Variants in TPR observed in about 807,000 individuals in gnomAD.
TPR encodes translocated promoter region, nuclear basket protein, also known as nucleoprotein TPR.
In TPR, 51 loss-of-function variants were observed where a neutral mutation model predicts 316.1. The observed-to-expected ratio is 0.16, with a 90% confidence interval of 0.13 to 0.20. The LOEUF is 0.20. Ranked by LOEUF, TPR falls within the 10% of genes least tolerant of loss-of-function variation. TPR has a pLI of 1.00. For missense variants in TPR, 2,272 were observed against 2,754.8 expected (o/e 0.82, Z 3.92); for synonymous variants, 981 against 914.7 (o/e 1.07, Z -1.31).
Position 186,335,317 on chromosome 1 carries a change from T to G in TPR, c.4911+21A>C, listed in dbSNP as rs933243549. 1.9e-6 allele frequency: 3 copies of G among 1,609,378 alleles called. No individual in the cohort carries two copies. The African/African-American group carries it at 4.0e-5, about 22-fold the overall frequency. On this transcript the variant is annotated intron_variant, in intron 34 of 50. Coordinates refer to ENST00000367478, the MANE Select transcript of TPR (RefSeq NM_003292.3). Reference sequence around the variant, plus strand: ...GTACAAAGAAAAACAATTTGTTACTTAAGCAGAATTAGCTAATCACCTTAT... The same window carrying G: ...GTACAAAGAAAAACAATTTGTTACTGAAGCAGAATTAGCTAATCACCTTAT...
At chr1:186,373,526 TGTTA>T (rs899766729) in intron 1 of TPR, 63 bp from the exon 2 acceptor site, 3 of 935,320 alleles carry the variant, frequency 3.2e-6, no homozygotes, top group Middle Eastern at 2.6e-4. Flanking sequence ...TTGTGAATAC[TGTTA>T]TTTATTTCTA....
chr1:186,347,359 G>C lies in TPR; in HGVS notation c.2876C>G (p.Thr959Arg). Reference protein sequence around the residue: ...NDLKERLKTSTSNVEQYQAMV... With the variant: ...NDLKERLKTSRSNVEQYQAMV... The stretch of plus-strand genomic sequence containing the variant: ...TGCTTGATATTGTTCCACATTGCTC[G>C]TACTTGTTTTGAGTCTCTCCTTTAA... Residue 959 changes from threonine to arginine, a missense_variant, in exon 22 of 51, where the codon ACG (threonine) becomes AGG (arginine). Physicochemically the swap from Thr to Arg is moderately conservative, Grantham distance 71. Around this residue, in one of 10 missense-constraint regions of TPR, gnomAD observed 757 missense variants for 859.8 expected, o/e 0.88. Coordinates refer to ENST00000367478, the MANE Select transcript of TPR (RefSeq NM_003292.3). 6.2e-7 allele frequency: 1 copy of C among 1,613,876 alleles called. No individual in the cohort carries two copies. The highest frequency in any genetic ancestry group is 8.5e-7 in the Non-Finnish European group (1 of 1,179,916).
In TPR at chr1:186,339,654, G is replaced by C; in HGVS notation, c.4139C>G (p.Ala1380Gly). The C allele has an allele frequency of 1.9e-6, 3 of 1,581,784 alleles. No homozygotes were observed. Among genetic ancestry groups the C allele is most frequent in the Non-Finnish European group, 2.6e-6 (3 of 1,166,054 alleles). ...TCTTTCCATATACCTTGCAATTTCA[G>C]CTTTAAGTCTACCAATTTCTTCTGT... is the stretch of plus-strand genomic sequence containing the variant. Reference protein sequence around the residue: ...QLTEEIGRLKAEIARSNASLT... With the variant: ...QLTEEIGRLKGEIARSNASLT... The change falls in exon 30 of 51, where the codon GCT (alanine) becomes GGT (glycine). Residue 1380 changes from alanine (A) to glycine (G), a missense_variant. This residue lies in a region of TPR where 96 missense variants were observed against 134.6 expected (regional missense o/e 0.71). Transcript: ENST00000367478.
intron 35 of TPR, 52 bp downstream of exon 35, chr1:186,335,016 T>C (rs1658297180): frequency 6.5e-7 from 1 of 1,550,064 alleles, no homozygotes; most frequent in Non-Finnish European, 8.8e-7. Flanking sequence ...TCACTAGATA[T>C]TCCCTGAGCT....
chr1:186,373,277 C>A, intron 2 of TPR, 82 bp downstream of exon 2: 2 of 865,292 alleles, frequency 2.3e-6, no homozygotes, highest in Non-Finnish European at 3.5e-6. Context: ...GTTTAGTAAG[C>A]AAATGTTTCC....
In TPR at chr1:186,343,375, T is replaced by C; in HGVS notation, c.3701A>G (p.Glu1234Gly). 1 of 1,614,074 alleles carries C rather than the reference T, an allele frequency of 6.2e-7. No homozygotes were observed. Among genetic ancestry groups the C allele is most frequent in the Non-Finnish European group, 8.5e-7 (1 of 1,179,972 alleles). Residue 1234 changes from glutamate to glycine, a missense_variant, in exon 27 of 51, where the codon GAG becomes GGG. Transcript: ENST00000367478. ...TAGACTATCTTGCAGTTCCTGCAGC[T>C]CTCTTTCTAAAAGTTCAACCCTTTG... ...YRQRVELLER[E>G]LQELQDSLNA...
At chr1:186,351,606 G>A (rs967628843) in intron 19 of TPR, 136 bp from the exon 20 acceptor site, 1 of 900,764 alleles carries the variant, frequency 1.1e-6, no homozygotes, top group Admixed American at 3.8e-5. Flanking sequence ...TATTTATCAA[G>A]AAAGTATTCT....
rs960639566 is a variant in TPR, at chr1:186,375,212, G to A, written c.-184C>T. On this transcript the variant is annotated 5_prime_UTR_variant, in exon 1 of 51. Transcript: ENST00000367478. ...CTGGGAAATCGAGTCCACCCTCAGC[G>A]GCAGCGTTTCAGCAACAGCACCTCA... 7.4e-6 allele frequency: 11 copies of A among 1,494,940 alleles called. No homozygotes were observed. The South Asian group carries it at 7.7e-5, about 10-fold the overall frequency. 92.6% of individuals were successfully genotyped at this position (1,494,940 alleles called of 1,614,324 possible).
intron 18 of TPR, among the ~76,000 whole-genome samples, chr1:186,352,666 C>T (rs1558022951): frequency 2.0e-5 from 3 of 152,150 alleles, no homozygotes; most frequent in Non-Finnish European, 4.4e-5. Flanking sequence ...ATAAAATTCA[C>T]TCTACCAGTT....
At position 186,311,718 on chromosome 1, in the gene TPR, G is replaced by GA. The variant is rs1363774624; in HGVS notation, c.*2252dup. The GA allele has an allele frequency of 1.8e-6, 2 of 1,103,912 alleles. No homozygotes were observed. The highest frequency in any genetic ancestry group is 1.6e-5 in the African/African-American group (1 of 63,068). The allele number at this position is 1,103,912 out of a possible 1,614,324, so 68.4% of individuals were successfully genotyped here. ...ATGGCTGAAATCAAATATTTTCAGT[G>GA]AAAAAAATCAATATTGAGGGTAGTA... is the stretch of plus-strand genomic sequence containing the variant. On this transcript the variant is annotated 3_prime_UTR_variant, in exon 51 of 51. Transcript: ENST00000367478.
At chr1:186,371,197 A>C (rs1023008897) in intron 2 of TPR, among the ~76,000 whole-genome samples, 154 bp from the exon 3 acceptor site, 3 of 152,216 alleles carry the variant, frequency 2.0e-5, no homozygotes, top group Admixed American at 6.5e-5. Flanking sequence ...TCATGAATGC[A>C]TTCAAAATTT....
chr1:186,337,305 ATCTCC>A, intron 31 of TPR, 149 bp from the exon 32 acceptor site: 1 of 939,636 alleles, frequency 1.1e-6, no homozygotes, highest in Non-Finnish European at 1.5e-6. Flanking sequence ...AACAACTGTA[ATCTCC>A]AAAAATGGGG....
Position 186,313,922 on chromosome 1 carries a change from A to G in TPR, c.*49T>C. 1.3e-6 allele frequency: 2 copies of G among 1,587,298 alleles called. No individual in the cohort carries two copies. The highest frequency in any genetic ancestry group is 1.7e-6 in the Non-Finnish European group (2 of 1,157,280). On this transcript the variant is annotated 3_prime_UTR_variant, in exon 51 of 51. Transcript: ENST00000367478. ...TTTTAAACTTGACAATCATTACACT[A>G]AAACAGATTTGATAATCTTATTCAC... is the stretch of plus-strand genomic sequence containing the variant.
rs981483834 is a variant in TPR, at chr1:186,344,102, G to C, written c.3418-12C>G. 2 of 1,607,470 alleles carry C rather than the reference G, an allele frequency of 1.2e-6. No homozygotes were observed. Among genetic ancestry groups the C allele is most frequent in the Admixed American group, 1.7e-5 (1 of 58,560 alleles). On this transcript the variant is annotated splice_polypyrimidine_tract_variant and intron_variant, in intron 25 of 50. Transcript: ENST00000367478. ...TTGGAAACTTCATCCTGCAAGCCAAGAGTCTATCAGAATAACAGATTTTCC... is the reference window on the plus strand; with the variant it reads ...TTGGAAACTTCATCCTGCAAGCCAACAGTCTATCAGAATAACAGATTTTCC...
At position 186,344,597 on chromosome 1, in the gene TPR, C is replaced by A; in HGVS notation, c.3214-19G>T. On this transcript the variant is annotated intron_variant, in intron 24 of 50. Coordinates refer to ENST00000367478, the MANE Select transcript of TPR (RefSeq NM_003292.3). ...TTTTAGCCTATAAGAAATTATTACC[C>A]AATTGATACCAAAGATTAAAAATCC... 1 of 1,464,006 alleles carries A rather than the reference C, an allele frequency of 6.8e-7. No homozygotes were observed. The highest frequency in any genetic ancestry group is 9.0e-7 in the Non-Finnish European group (1 of 1,109,740). The allele number at this position is 1,464,006 out of a possible 1,614,324, so 90.7% of individuals were successfully genotyped here.
chr1:186,325,047 T>C (rs1022174829), intron 42 of TPR, among the ~76,000 whole-genome samples: 4 of 152,166 alleles, frequency 2.6e-5, no homozygotes, highest in African/African-American at 7.2e-5. Context: ...AAAAGTTTTG[T>C]CTGTTCTTTA....
chr1:186,332,473 A>ACAAT lies in TPR; in HGVS notation c.5456-134_5456-131dup, dbSNP rs1377978869. The stretch of plus-strand genomic sequence containing the variant: ...ATTTAATTGTACAGATTACTAAAAT[A>ACAAT]CAATCAATCAACTCCTAGATCAATG... On this transcript the variant is annotated intron_variant, in intron 37 of 50. Transcript: ENST00000367478. The ACAAT allele has an allele frequency of 3.1e-6, 3 of 968,684 alleles. No individual in the cohort carries two copies. The Admixed American group carries it at 9.2e-5, about 30-fold the overall frequency. 60.0% of individuals were successfully genotyped at this position (968,684 alleles called of 1,614,324 possible).
Position 186,312,595 on chromosome 1 carries a change from A to G in TPR, c.*1376T>C. ...AGTTTGTTCAGGTTTGTTAGTTATAACCAATACTATTTATCAAGTACTTCT... is the reference window on the plus strand; with the variant it reads ...AGTTTGTTCAGGTTTGTTAGTTATAGCCAATACTATTTATCAAGTACTTCT... On this transcript the variant is annotated 3_prime_UTR_variant, in exon 51 of 51. Coordinates refer to ENST00000367478, the MANE Select transcript of TPR (RefSeq NM_003292.3). 1.3e-6 allele frequency: 1 copy of G among 789,724 alleles called. No individual in the cohort carries two copies. Among genetic ancestry groups the G allele is most frequent in the South Asian group, 1.8e-5 (1 of 56,558 alleles). The allele number at this position is 789,724 out of a possible 1,614,324, so 48.9% of individuals were successfully genotyped here. A position where few individuals can be genotyped will look rare whatever the true frequency, so the allele number is the denominator to read the frequency against.
chr1:186,323,912 C>G lies in TPR; in HGVS notation c.6113-42G>C, dbSNP rs1253769723. 3 of 1,509,516 alleles carry G rather than the reference C, an allele frequency of 2.0e-6. No individual in the cohort carries two copies. The African/African-American group carries it at 4.4e-5, about 22-fold the overall frequency. The allele number at this position is 1,509,516 out of a possible 1,614,324, so 93.5% of individuals were successfully genotyped here. A position where few individuals can be genotyped will look rare whatever the true frequency, so the allele number is the denominator to read the frequency against. On this transcript the variant is annotated intron_variant, in intron 42 of 50. Transcript: ENST00000367478. The stretch of plus-strand genomic sequence containing the variant: ...ATTTACTTTTGAACTGCTAAATTTA[C>G]CACAAAAAAACTTGGACAATCCCTA...
Sources: allele counts gnomAD v4.1 joint callset (sites outside exome capture counted in the v4.1 genomes callset), GRCh38; gene constraint gnomAD v4.1.1; regional missense constraint gnomAD v4.1.1; transcripts MANE v1.5; gene names NCBI Gene and HGNC (gene_info 2026-07-23, HGNC 2026-07-21).